The following MAGI2 variants were observed in gnomAD, a reference collection of about 807,000 sequenced individuals.
The protein encoded by MAGI2 is membrane associated guanylate kinase, WW and PDZ domain containing 2.
MAGI2 carries 35 observed loss-of-function variants against 133.3 expected under a neutral mutation model. The ratio of observed to expected loss-of-function variants is 0.26; its 90% CI spans 0.20 to 0.35. MAGI2 has a LOEUF of 0.35. MAGI2 is among the 10% of genes least tolerant of loss of function. The pLI, the probability that MAGI2 is intolerant of heterozygous loss-of-function variation, is 1.00. For missense variants in MAGI2, 1,636 were observed against 1,863.4 expected (o/e 0.88, Z 2.25); for synonymous variants, 729 against 710.6 (o/e 1.03, Z -0.41).
At chr7:78,479,615 A>G (rs571450713) in intron 6 of MAGI2, among the ~76,000 whole-genome samples, 88 of 152,038 alleles carry the variant, frequency 5.8e-4, no homozygotes, top group African/African-American at 2.0e-3. Flanking sequence ...ACAGGCCAGA[A>G]CCTACATACC....
At chr7:78,779,360 C>T (rs1226471706) in intron 2 of MAGI2, among the ~76,000 whole-genome samples, 2 of 152,162 alleles carry the variant, frequency 1.3e-5, no homozygotes, top group African/African-American at 2.4e-5. Context: ...AAGATGTGCT[C>T]TTGCAGAAGA....
At chr7:79,256,488 T>C (rs979427746) in intron 1 of MAGI2, among the ~76,000 whole-genome samples, 12 of 17,050 alleles carry the variant, frequency 7.0e-4, no homozygotes, top group South Asian at 3.2e-3. Flanking sequence ...CTCTCTCTCT[T>C]TTTTTTTTTT....
chr7:79,000,529 T>A (rs1217262026), intron 2 of MAGI2, among the ~76,000 whole-genome samples: 1 of 152,156 alleles, frequency 6.6e-6, no homozygotes, highest in East Asian at 1.9e-4. Flanking sequence ...CCAACGAGCC[T>A]CACTCTAACA....
At chr7:78,379,567 G>T (rs556565838) in intron 6 of MAGI2, among the ~76,000 whole-genome samples, 1 of 151,966 alleles carries the variant, frequency 6.6e-6, no homozygotes. Context: ...AACTACAGGA[G>T]CTGTGAGGAA....
At chr7:78,253,922 A>G (rs139859067) in intron 10 of MAGI2, 1 of 152,334 alleles carries the variant, frequency 6.6e-6, no homozygotes, top group East Asian at 1.9e-4. Context: ...GAATTTCACC[A>G]CATAAGCATG....
intron 2 of MAGI2, among the ~76,000 whole-genome samples, chr7:78,715,848 A>T (rs1237455185): frequency 1.5e-4 from 9 of 60,842 alleles, no homozygotes; most frequent in African/African-American, 5.1e-4. Flanking sequence ...TAAATACAAA[A>T]TATAAGTCCT....
chr7:79,212,356 A>T (rs1378486164), intron 1 of MAGI2, among the ~76,000 whole-genome samples: 2 of 152,094 alleles, frequency 1.3e-5, no homozygotes, highest in Admixed American at 6.6e-5. Context: ...TTCAGGTAAC[A>T]TTCTTAAAAG....
intron 2 of MAGI2, among the ~76,000 whole-genome samples, chr7:78,964,144 T>A (rs1167593553): frequency 6.6e-6 from 1 of 152,082 alleles, no homozygotes; most frequent in East Asian, 1.9e-4. Flanking sequence ...CGCTCTTTTT[T>A]TTTCTTTTAA....
intron 1 of MAGI2, among the ~76,000 whole-genome samples, chr7:79,428,408 T>C (rs1847542980): frequency 6.6e-6 from 1 of 152,194 alleles, no homozygotes; most frequent in Admixed American, 6.5e-5. Context: ...AAAGGAACTT[T>C]AACTCTGTTA....
chr7:78,839,711 C>T (rs890764999), intron 2 of MAGI2, among the ~76,000 whole-genome samples: 1 of 152,152 alleles, frequency 6.6e-6, no homozygotes, highest in Middle Eastern at 3.4e-3. Context: ...GGGAAATTGC[C>T]TCCCATGGGG....
At chr7:78,479,845 T>C (rs769323495) in intron 6 of MAGI2, among the ~76,000 whole-genome samples, 9 of 151,866 alleles carry the variant, frequency 5.9e-5, no homozygotes, top group Non-Finnish European at 8.8e-5. Context: ...CATCATAAAA[T>C]TGCTTTAACA....
At chr7:78,793,922 C>T (rs542312007) in intron 2 of MAGI2, among the ~76,000 whole-genome samples, 1 of 152,250 alleles carries the variant, frequency 6.6e-6, no homozygotes, top group African/African-American at 2.4e-5. Flanking sequence ...ACTCCTGTCT[C>T]ATGTAGGTAT....
At chr7:78,617,980 G>A (rs1200373803) in intron 3 of MAGI2, 7 of 151,798 alleles carry the variant, frequency 4.6e-5, no homozygotes, top group Admixed American at 4.0e-4. Context: ...GAATGTCTGC[G>A]GTTTTCTTTT....
chr7:78,596,166 G>A (rs1411724635), intron 3 of MAGI2, among the ~76,000 whole-genome samples: 1 of 122,614 alleles, frequency 8.2e-6, no homozygotes, highest in Non-Finnish European at 1.8e-5. Context: ...AGGGAGGGAG[G>A]GAAGAAATGA....
intron 13 of MAGI2, chr7:78,185,368 G>A: frequency 3.2e-6 from 1 of 313,838 alleles, no homozygotes; most frequent in Non-Finnish European, 5.9e-6. Context: ...CTCTTTGGCA[G>A]CTGTTTTTAA....
At chr7:78,245,892 C>T (rs1331802210) in intron 10 of MAGI2, among the ~76,000 whole-genome samples, 1 of 152,154 alleles carries the variant, frequency 6.6e-6, no homozygotes, top group Non-Finnish European at 1.5e-5. Flanking sequence ...ATCTTGGAAT[C>T]AGAACTACTG....
chr7:79,418,954 A>T (rs888190549), intron 1 of MAGI2, among the ~76,000 whole-genome samples: 3 of 151,914 alleles, frequency 2.0e-5, no homozygotes, highest in African/African-American at 4.8e-5. Context: ...CTTTTATCTA[A>T]AATTAAAGAA....
chr7:78,908,070 T>C (rs1259706603), intron 2 of MAGI2, among the ~76,000 whole-genome samples: 2 of 152,018 alleles, frequency 1.3e-5, no homozygotes, highest in African/African-American at 4.8e-5. Flanking sequence ...GACAGTAAGT[T>C]AGGGGGGAAA....
At chr7:78,869,791 C>G (rs1454943434) in intron 2 of MAGI2, among the ~76,000 whole-genome samples, 1 of 152,168 alleles carries the variant, frequency 6.6e-6, no homozygotes, top group Non-Finnish European at 1.5e-5. Context: ...TCCCTCAACA[C>G]CTGAGAATTA....
Sources: gnomAD v4.1 joint callset for allele counts (sites outside exome capture counted in the v4.1 genomes callset) on GRCh38, gnomAD v4.1.1 for gene constraint, MANE v1.5 for transcripts, NCBI Gene and HGNC (gene_info 2026-07-23, HGNC 2026-07-21) for gene names.